TRAK2: variants seen among roughly 807,000 people sequenced by gnomAD.
TRAK2 encodes the protein trafficking kinesin protein 2, also known as trafficking kinesin-binding protein 2.
In TRAK2, 81 loss-of-function variants were observed where a neutral mutation model predicts 104.6. The ratio of observed to expected loss-of-function variants is 0.77; its 90% CI spans 0.65 to 0.93. The LOEUF (loss-of-function observed/expected upper bound fraction) is 0.93. Ranked by LOEUF, TRAK2 falls within the 40% of genes least tolerant of loss-of-function variation. The pLI is 0.00. For missense variants in TRAK2, 1,002 were observed against 1,089.0 expected (o/e 0.92, Z 1.12); for synonymous variants, 406 against 394.4 (o/e 1.03, Z -0.35).
rs549113722 is a variant in TRAK2, at chr2:201,398,572, C to T, written c.481-218G>A. On this transcript the variant is annotated intron_variant, in intron 5 of 15. Transcript: ENST00000332624. Reference sequence around the variant, plus strand: ...TTAGAGCATTAATTCAACAGTACAGCTTTTTTCCCTCCTAGGTGAGAAGAA... The same window carrying T: ...TTAGAGCATTAATTCAACAGTACAGTTTTTTTCCCTCCTAGGTGAGAAGAA... 3.3e-5 allele frequency among the ~76,000 whole-genome samples: 5 copies of T among 152,106 alleles called. No individual in the cohort carries two copies. In the East Asian group the frequency reaches 9.6e-4, roughly 29 times the overall value.
rs970297686 is a variant in TRAK2 at position 201,378,270 on chromosome 2, C to T, written c.*2273G>A. ...TTTGGCTGCTAATACACCCCCACCA[C>T]CCTGCCTCCAAAGTGATCATTTAGT... is the stretch of plus-strand genomic sequence containing the variant. On this transcript the variant is annotated 3_prime_UTR_variant, in exon 16 of 16. Transcript: ENST00000332624. 1 of 152,096 alleles carries T rather than the reference C, an allele frequency of 6.6e-6. No individual in the cohort carries two copies. Among genetic ancestry groups the T allele is most frequent in the Non-Finnish European group, 1.5e-5 (1 of 68,016 alleles). The allele number at this position is 152,096 out of a possible 1,614,324, so 9.4% of individuals were successfully genotyped here.
chr2:201,414,605 T>A (rs775133670), intron 2 of TRAK2, among the ~76,000 whole-genome samples: 2 of 152,172 alleles, frequency 1.3e-5, no homozygotes, highest in East Asian at 1.9e-4. Context: ...GAGATAGAGA[T>A]GAGGCAGATT....
intron 1 of TRAK2, among the ~76,000 whole-genome samples, chr2:201,431,043 T>A (rs6755428): frequency 0.56 from 84,538 of 152,012 alleles, 24,608 homozygotes; most frequent in Non-Finnish European, 0.66. Context: ...ATGGAGTAGA[T>A]GCGGTCTGAA....
chr2:201,429,226 G>GATT (rs1392709985), intron 1 of TRAK2, among the ~76,000 whole-genome samples: 1 of 152,212 alleles, frequency 6.6e-6, no homozygotes, highest in Non-Finnish European at 1.5e-5. Flanking sequence ...TGGTGAGAGA[G>GATT]GGCATCCCTG....
intron 2 of TRAK2, among the ~76,000 whole-genome samples, chr2:201,416,405 C>CAA (rs113793699): frequency 0.026 from 3,884 of 150,544 alleles, 172 homozygotes; most frequent in African/African-American, 0.09. Flanking sequence ...GACCCTTTCT[C>CAA]AAAAAAAAAG....
In TRAK2 at chr2:201,397,785, A is replaced by G. The variant is rs1280649373; in HGVS notation, c.691-205T>C. ...TAAGTAGGACTTCCTTGATGCCCATACTATACAAGTTCACAGAATATTGTG... is the reference window on the plus strand; with the variant it reads ...TAAGTAGGACTTCCTTGATGCCCATGCTATACAAGTTCACAGAATATTGTG... On this transcript the variant is annotated intron_variant, in intron 6 of 15. Transcript: ENST00000332624. 3 of 561,352 alleles carry G rather than the reference A, an allele frequency of 5.3e-6. No individual in the cohort carries two copies. The East Asian group carries it at 8.5e-5, about 16-fold the overall frequency. 34.8% of individuals were successfully genotyped at this position (561,352 alleles called of 1,614,324 possible).
Position 201,407,582 on chromosome 2 carries a change from T to C in TRAK2, c.107A>G (p.Glu36Gly). Residue 36 changes from glutamate (E) to glycine (G), a missense_variant, in exon 3 of 16, where the codon GAG (glutamate) becomes GGG (glycine). Glu to Gly is a moderately conservative substitution (Grantham distance 98). Coordinates refer to ENST00000332624, the MANE Select transcript of TRAK2 (RefSeq NM_015049.3). ...SESITDVCSN[E>G]DLPEVELVSL... The stretch of plus-strand genomic sequence containing the variant: ...CACCAGCTCAACTTCAGGGAGATCC[T>C]CATTGGAGCAGACATCTAAAGAGGA... 6.2e-7 allele frequency: 1 copy of C among 1,613,266 alleles called. No individual in the cohort carries two copies.
intron 1 of TRAK2, among the ~76,000 whole-genome samples, chr2:201,445,235 T>C (rs1951956021): frequency 6.6e-6 from 1 of 152,200 alleles, no homozygotes; most frequent in East Asian, 1.9e-4. Context: ...ACATCACTTA[T>C]ATATAAATAT....
intron 3 of TRAK2, among the ~76,000 whole-genome samples, chr2:201,402,775 G>T (rs760781457): frequency 1.1e-4 from 17 of 152,092 alleles, no homozygotes; most frequent in Non-Finnish European, 1.9e-4. Flanking sequence ...ACCAGACAAT[G>T]GTTGTAAACC....
intron 1 of TRAK2, among the ~76,000 whole-genome samples, chr2:201,436,210 A>C (rs993149609): frequency 2.6e-5 from 4 of 152,184 alleles, no homozygotes; most frequent in Non-Finnish European, 5.9e-5. Flanking sequence ...GGCATCATAG[A>C]ATTCATGGAT....
intron 1 of TRAK2, among the ~76,000 whole-genome samples, chr2:201,434,086 T>C (rs1292716815): frequency 1.3e-5 from 2 of 152,106 alleles, no homozygotes; most frequent in Non-Finnish European, 2.9e-5. Context: ...GCCTCCTGAG[T>C]AGCTGGGACT....
chr2:201,422,078 T>C (rs1003347633), intron 1 of TRAK2, among the ~76,000 whole-genome samples: 1 of 147,034 alleles, frequency 6.8e-6, no homozygotes, highest in Non-Finnish European at 1.5e-5. Flanking sequence ...AAGGTGCAAA[T>C]TGGAACAAGC....
intron 2 of TRAK2, among the ~76,000 whole-genome samples, chr2:201,418,953 C>A (rs1019702644): frequency 6.6e-6 from 1 of 152,152 alleles, no homozygotes; most frequent in South Asian, 2.1e-4. Flanking sequence ...GGACAAAATA[C>A]GGTCCATTTA....
intron 1 of TRAK2, among the ~76,000 whole-genome samples, chr2:201,433,717 GA>G (rs1951860861): frequency 6.6e-6 from 1 of 152,190 alleles, no homozygotes; most frequent in Non-Finnish European, 1.5e-5. Flanking sequence ...CTGCAGATAA[GA>G]AAAGGCCTTG....
At chr2:201,386,887 C>T (rs1349698468) in intron 13 of TRAK2, among the ~76,000 whole-genome samples, 1 of 152,134 alleles carries the variant, frequency 6.6e-6, no homozygotes, top group African/African-American at 2.4e-5. Context: ...GCCAGGCTCC[C>T]AGGGAGAATA....
chr2:201,386,159 A>C, intron 14 of TRAK2, 59 bp downstream of exon 14: 1 of 1,588,952 alleles, frequency 6.3e-7, no homozygotes, highest in Non-Finnish European at 8.6e-7. Context: ...CTGTCTAGTA[A>C]GTCAGAATGC....
chr2:201,420,713 C>G lies in TRAK2; in HGVS notation c.-199-7G>C, dbSNP rs980917630. On this transcript the variant is annotated splice_polypyrimidine_tract_variant and splice_region_variant and intron_variant, in intron 1 of 15. Coordinates refer to ENST00000332624, the MANE Select transcript of TRAK2 (RefSeq NM_015049.3). Reference sequence around the variant, plus strand: ...TACTTTGGACAGTCATGACCTAAAACAAAAACATCAAGTGACTAGAACTCA... The same window carrying G: ...TACTTTGGACAGTCATGACCTAAAAGAAAAACATCAAGTGACTAGAACTCA... The G allele has an allele frequency of 2.1e-6, 1 of 469,634 alleles. No individual in the cohort carries two copies. Among genetic ancestry groups the G allele is most frequent in the Middle Eastern group, 4.5e-4 (1 of 2,230 alleles). 29.1% of individuals were successfully genotyped at this position (469,634 alleles called of 1,614,324 possible).
intron 1 of TRAK2, among the ~76,000 whole-genome samples, chr2:201,444,539 T>C (rs778541470): frequency 6.6e-6 from 1 of 151,934 alleles, no homozygotes; most frequent in Non-Finnish European, 1.5e-5. Context: ...TTTTAAAACT[T>C]ACCAGTCTAC....
intron 1 of TRAK2, among the ~76,000 whole-genome samples, chr2:201,441,364 G>C (rs1268176311): frequency 4.6e-5 from 7 of 152,180 alleles, no homozygotes; most frequent in Non-Finnish European, 7.3e-5. Flanking sequence ...TTTCCACTAA[G>C]AGCATTTGCA....
Sources: gnomAD v4.1 joint callset for allele counts (sites outside exome capture counted in the v4.1 genomes callset) on GRCh38, gnomAD v4.1.1 for gene constraint, MANE v1.5 for transcripts, NCBI Gene and HGNC (gene_info 2026-07-23, HGNC 2026-07-21) for gene names.